Variants in CNTN6 observed in about 807,000 individuals in gnomAD.
CNTN6 encodes the protein contactin 6.
A neutral mutation model predicts 122.8 loss-of-function variants in CNTN6; 137 were observed. The observed-to-expected ratio is 1.12, with a 90% CI of 0.97 to 1.29. CNTN6 has a LOEUF of 1.29. Among genes scored for constraint, CNTN6 ranks in the 50% most tolerant of loss-of-function variants. The probability of loss-of-function intolerance (pLI) is 0.00; values close to 1 mark genes in which losing one functional copy is unlikely to be tolerated. For missense variants in CNTN6, 1,634 were observed against 1,223.4 expected, an observed-to-expected ratio of 1.34 and a Z score of -5.01; for synonymous variants, 570 against 426.0, an observed-to-expected ratio of 1.34 and a Z score of -4.16.
intron 20 of CNTN6, among the ~76,000 whole-genome samples, chr3:1,391,303 C>A: frequency 8.0e-6 from 1 of 124,304 alleles, no homozygotes; most frequent in Non-Finnish European, 1.6e-5. Flanking sequence ...AAGACAAAAA[C>A]CACATAATTA....
chr3:1,220,578 TTAAAA>T (rs1314661216), intron 2 of CNTN6, 104 bp from the exon 3 acceptor site: 3 of 1,010,118 alleles, frequency 3.0e-6, no homozygotes, highest in African/African-American at 1.7e-5. Flanking sequence ...TGAGATTGTT[TTAAAA>T]TAAAATAATT....
intron 2 of CNTN6, among the ~76,000 whole-genome samples, chr3:1,207,152 CAA>C (rs1034976674): frequency 6.6e-6 from 1 of 151,980 alleles, no homozygotes. Context: ...TTTATAAAAC[CAA>C]AGTCTTTGTC....
chr3:1,219,777 A>G (rs569756034), intron 2 of CNTN6, among the ~76,000 whole-genome samples: 1 of 152,174 alleles, frequency 6.6e-6, no homozygotes, highest in Non-Finnish European at 1.5e-5. Flanking sequence ...GCACATTGGG[A>G]GGCTGAGGTG....
Position 1,321,654 on chromosome 3 carries a change from G to T in CNTN6, c.766G>T (p.Val256Phe), listed in dbSNP as rs1575693322. Reference sequence around the variant, plus strand: ...TAATGAGGTGTAACTGTTTAGTCCAGTCCCCGATATTAGTTGGAGAAGGTT... The same window carrying T: ...TAATGAGGTGTAACTGTTTAGTCCATTCCCCGATATTAGTTGGAGAAGGTT... ...KLECFALGNP[V>F]PDISWRRLDG... Residue 256 changes from valine (V) to phenylalanine (F), a missense_variant, in exon 8 of 23, where the codon GTC (valine) becomes TTC (phenylalanine). By Grantham distance (50) the Val-to-Phe change is conservative. Coordinates refer to ENST00000446702, the MANE Select transcript of CNTN6 (RefSeq NM_001289080.2). 1 of 1,610,578 alleles carries T rather than the reference G, an allele frequency of 6.2e-7. No individual in the cohort carries two copies.
At chr3:1,372,726 A>G (rs1709233203) in intron 13 of CNTN6, 112 bp from the exon 14 acceptor site, 2 of 722,576 alleles carry the variant, frequency 2.8e-6, no homozygotes, top group African/African-American at 1.8e-5. Flanking sequence ...ATACTAGTAT[A>G]TCTTTTAATT....
At chr3:1,356,647 C>T (rs1192985587) in intron 12 of CNTN6, among the ~76,000 whole-genome samples, 3 of 151,774 alleles carry the variant, frequency 2.0e-5, no homozygotes, top group South Asian at 2.1e-4. Flanking sequence ...ATACATTTGT[C>T]ATATCGTAGT....
At chr3:1,162,403 G>GA (rs61497309) in intron 2 of CNTN6, among the ~76,000 whole-genome samples, 7 of 151,578 alleles carry the variant, frequency 4.6e-5, no homozygotes, top group Admixed American at 6.6e-5. Context: ...GAAGGGAGGG[G>GA]AAAAAAAACC....
At chr3:1,397,977 A>G (rs1390919049) in intron 20 of CNTN6, among the ~76,000 whole-genome samples, 1 of 152,128 alleles carries the variant, frequency 6.6e-6, no homozygotes, top group Non-Finnish European at 1.5e-5. Flanking sequence ...CAGGGAAACC[A>G]TTAGAATTCT....
chr3:1,150,790 A>G (rs773976250), intron 2 of CNTN6, among the ~76,000 whole-genome samples: 1 of 152,152 alleles, frequency 6.6e-6, no homozygotes, highest in Non-Finnish European at 1.5e-5. Context: ...TGCAGATGTG[A>G]TTAAGTTAAA....
At position 1,097,638 on chromosome 3, in the gene CNTN6, T is replaced by C. The variant is rs116619538; in HGVS notation, c.-83+4518T>C. Among the ~76,000 whole-genome samples, 92 of 152,308 alleles carry C rather than the reference T, an allele frequency of 6.0e-4. 1 individual carries two copies. Among genetic ancestry groups the C allele is most frequent in the African/African-American group, 2.1e-3 (87 of 41,578 alleles). ...GCTCTGTGGTCTTAGGCAAGTTTCT[T>C]AGCCTCTTTGTACTTCAGTTTCCCC... On this transcript the variant is annotated intron_variant, in intron 1 of 22. Transcript: ENST00000446702.
At chr3:1,121,840 G>A (rs1465790527) in intron 1 of CNTN6, among the ~76,000 whole-genome samples, 1 of 151,894 alleles carries the variant, frequency 6.6e-6, no homozygotes, top group African/African-American at 2.4e-5. Context: ...CTCCAAACAT[G>A]AGAAAACACA....
chr3:1,245,458 G>T (rs570112597), intron 4 of CNTN6, among the ~76,000 whole-genome samples: 1 of 147,170 alleles, frequency 6.8e-6, no homozygotes, highest in Non-Finnish European at 1.5e-5. Context: ...AACATCATAC[G>T]TTCTTATTCA....
chr3:1,297,544 TCTG>T (rs1439910846), intron 6 of CNTN6, among the ~76,000 whole-genome samples: 1 of 152,144 alleles, frequency 6.6e-6, no homozygotes, highest in East Asian at 1.9e-4. Context: ...CTTTATATGT[TCTG>T]CTGCAGAACT....
intron 1 of CNTN6, among the ~76,000 whole-genome samples, chr3:1,119,179 G>A (rs186944990): frequency 1.3e-3 from 200 of 151,594 alleles, no homozygotes; most frequent in Admixed American, 2.4e-3. Context: ...TATTAGTAAC[G>A]TAGTGATTTC....
In CNTN6 at chr3:1,321,649, G is replaced by A. The variant is rs376119837; in HGVS notation, c.762-1G>A. Reference sequence around the variant, plus strand: ...TATTCTAATGAGGTGTAACTGTTTAGTCCAGTCCCCGATATTAGTTGGAGA... The same window carrying A: ...TATTCTAATGAGGTGTAACTGTTTAATCCAGTCCCCGATATTAGTTGGAGA... On this transcript the variant is annotated splice_acceptor_variant, in intron 7 of 22. Transcript: ENST00000446702. LOFTEE classifies it high-confidence loss of function. 1 of 1,610,028 alleles carries A rather than the reference G, an allele frequency of 6.2e-7. No individual in the cohort carries two copies. The highest frequency in any genetic ancestry group is 8.5e-7 in the Non-Finnish European group (1 of 1,177,776).
chr3:1,278,149 G>C (rs1204555163), intron 4 of CNTN6, among the ~76,000 whole-genome samples: 2 of 152,144 alleles, frequency 1.3e-5, no homozygotes, highest in Admixed American at 6.5e-5. Flanking sequence ...TTCCTGCTAG[G>C]CTACACTGTC....
chr3:1,299,161 A>T (rs895764429), intron 7 of CNTN6, among the ~76,000 whole-genome samples: 3 of 152,156 alleles, frequency 2.0e-5, no homozygotes, highest in African/African-American at 7.2e-5. Flanking sequence ...CATTTATCAA[A>T]TAAATAATTA....
In CNTN6 at chr3:1,227,852, A is replaced by T; in HGVS notation, c.217A>T (p.Met73Leu). Residue 73 changes from methionine (M) to leucine (L), a missense_variant, in exon 4 of 23, where the codon ATG becomes TTG. By Grantham distance (15) the Met-to-Leu change is conservative (BLOSUM62 2). Coordinates refer to ENST00000446702, the MANE Select transcript of CNTN6 (RefSeq NM_001289080.2). ...AAATGGCACAGACATTGATTTTACT[A>T]TGAGTTATCACTACAGGTTGGATGG... ...KQNGTDIDFT[M>L]SYHYRLDGGS... 3 of 1,613,880 alleles carry T rather than the reference A, an allele frequency of 1.9e-6. No homozygotes were observed. Among genetic ancestry groups the T allele is most frequent in the Non-Finnish European group, 2.5e-6 (3 of 1,179,952 alleles).
intron 20 of CNTN6, among the ~76,000 whole-genome samples, chr3:1,396,741 C>G (rs1379609150): frequency 1.3e-5 from 2 of 152,122 alleles, no homozygotes; most frequent in African/African-American, 4.8e-5. Context: ...GCAGAATTTT[C>G]TTTTCTTTAA....
Sources: allele counts gnomAD v4.1 joint callset (sites outside exome capture counted in the v4.1 genomes callset), GRCh38; gene constraint gnomAD v4.1.1; transcripts MANE v1.5; gene names NCBI Gene and HGNC (gene_info 2026-07-23, HGNC 2026-07-21).